RTL4: variants seen among roughly 807,000 people sequenced by gnomAD.
The protein encoded by RTL4 is retrotransposon Gag-like protein 4.
RTL4 carries 4 observed loss-of-function variants against 5.3 expected under a neutral mutation model. The observed-to-expected ratio is 0.75, with a 90% CI of 0.37 to 1.72. RTL4 has a LOEUF of 1.72. Ranked by LOEUF, RTL4 falls within the 40% of genes most tolerant of loss-of-function variation. RTL4 has a pLI of 0.04. For missense variants in RTL4, 260 were observed against 227.1 expected, an observed-to-expected ratio of 1.14 and a Z score of -0.93; for synonymous variants, 98 against 87.3, an observed-to-expected ratio of 1.12 and a Z score of -0.68.
chrX:112,291,367 T>TAC, the RTL4 span, among the ~76,000 whole-genome samples: 4,339 of 95,284 alleles, frequency 0.046, 168 homozygotes, highest in African/African-American at 0.11. Context: ...TGTATGTTTG[T>TAC]ACACACACAC....
At chrX:112,183,463 G>T in the RTL4 span, among the ~76,000 whole-genome samples, 27 of 111,205 alleles carry the variant, frequency 2.4e-4, no homozygotes, top group Non-Finnish European at 3.2e-4. Flanking sequence ...AGGGATGGAA[G>T]AATATTTACC....
At chrX:112,142,611 G>A in the RTL4 span, among the ~76,000 whole-genome samples, 1 of 111,464 alleles carries the variant, frequency 9.0e-6, no homozygotes, top group East Asian at 2.8e-4. Flanking sequence ...CAATGGCCAT[G>A]GTCTAAAACA....
the RTL4 span, among the ~76,000 whole-genome samples, chrX:112,159,473 A>G: frequency 9.0e-6 from 1 of 111,677 alleles, no homozygotes; most frequent in Non-Finnish European, 1.9e-5. Flanking sequence ...TACGGTGCCA[A>G]TCTCAGGTAC....
the RTL4 span, among the ~76,000 whole-genome samples, chrX:112,444,497 G>C: frequency 8.9e-6 from 1 of 111,877 alleles, no homozygotes; most frequent in Non-Finnish European, 1.9e-5. Context: ...TTGGTATTTT[G>C]ATGGGGATTG....
the RTL4 span, among the ~76,000 whole-genome samples, chrX:112,366,539 G>A: frequency 8.9e-6 from 1 of 111,762 alleles, no homozygotes; most frequent in Non-Finnish European, 1.9e-5. Flanking sequence ...CTGGACAACT[G>A]TTCTGCTCTT....
the RTL4 span, among the ~76,000 whole-genome samples, chrX:112,337,011 T>G: frequency 1.8e-5 from 2 of 112,035 alleles, no homozygotes; most frequent in Non-Finnish European, 1.9e-5. Context: ...TTTTCCACAA[T>G]TTAAAAATGT....
chrX:112,109,542 T>C, the RTL4 span, among the ~76,000 whole-genome samples: 1 of 111,788 alleles, frequency 8.9e-6, no homozygotes, highest in African/African-American at 3.3e-5. Context: ...GATTGGTTCA[T>C]TTTGCAAACC....
the RTL4 span, among the ~76,000 whole-genome samples, chrX:112,169,076 TTTC>T: frequency 2.7e-3 from 110 of 40,413 alleles, no homozygotes; most frequent in African/African-American, 7.2e-3. Flanking sequence ...TTCTTTTTTC[TTTC>T]TTTCTTTTCT....
chrX:112,182,989 A>G, the RTL4 span, among the ~76,000 whole-genome samples: 6 of 112,372 alleles, frequency 5.3e-5, no homozygotes, highest in East Asian at 1.7e-3. Flanking sequence ...ACAAGCCAGA[A>G]GAGACTGGGA....
chrX:112,329,803 TATCCACC>T, the RTL4 span, among the ~76,000 whole-genome samples: 8 of 111,260 alleles, frequency 7.2e-5, no homozygotes, highest in Non-Finnish European at 1.3e-4. Flanking sequence ...TCAAAAAGCT[TATCCACC>T]AAGATCAAGG....
At chrX:112,441,123 GA>G in the RTL4 span, among the ~76,000 whole-genome samples, 1 of 111,359 alleles carries the variant, frequency 9.0e-6, no homozygotes, top group Admixed American at 9.6e-5. Flanking sequence ...AATCTGCTTT[GA>G]AACATTCCCA....
At chrX:112,194,756 G>T in the RTL4 span, among the ~76,000 whole-genome samples, 6 of 111,781 alleles carry the variant, frequency 5.4e-5, no homozygotes, top group Non-Finnish European at 9.4e-5. Flanking sequence ...AACAATTATC[G>T]TGTAGCCTTT....
the RTL4 span, among the ~76,000 whole-genome samples, chrX:112,245,022 G>A: frequency 1.1e-4 from 12 of 111,959 alleles, no homozygotes; most frequent in South Asian, 7.4e-4. Context: ...GAATATTGGC[G>A]TCCACTCTCT....
chrX:112,246,703 A>G, the RTL4 span, among the ~76,000 whole-genome samples: 2 of 111,443 alleles, frequency 1.8e-5, no homozygotes, highest in East Asian at 2.9e-4. Context: ...ACCCTGCTTC[A>G]GCTCACCCTC....
chrX:112,159,671 G>A, the RTL4 span, among the ~76,000 whole-genome samples: 1 of 111,001 alleles, frequency 9.0e-6, no homozygotes, highest in African/African-American at 3.3e-5. Context: ...CAAACCTCTG[G>A]TCGTTCTTCA....
the RTL4 span, among the ~76,000 whole-genome samples, chrX:112,139,566 G>A: frequency 8.9e-6 from 1 of 112,340 alleles, no homozygotes; most frequent in African/African-American, 3.2e-5. Flanking sequence ...GTACTGTGGT[G>A]TTCTAAAAGT....
the RTL4 span, among the ~76,000 whole-genome samples, chrX:112,353,509 A>C: frequency 9.0e-6 from 1 of 111,461 alleles, no homozygotes; most frequent in Admixed American, 9.5e-5. Flanking sequence ...AGCCATAAAA[A>C]ATGATGAGTT....
the RTL4 span, among the ~76,000 whole-genome samples, chrX:112,269,546 T>C: frequency 3.6e-5 from 4 of 111,898 alleles, no homozygotes; most frequent in Non-Finnish European, 7.5e-5. Flanking sequence ...TATATCCATT[T>C]TGTAATTTAT....
At chrX:112,111,834 G>A in the RTL4 span, among the ~76,000 whole-genome samples, 43 of 111,908 alleles carry the variant, frequency 3.8e-4, no homozygotes, top group East Asian at 1.1e-3. Flanking sequence ...CCTCTCAGGC[G>A]GCATAAGTCT....
Sources: allele counts gnomAD v4.1 joint callset (sites outside exome capture counted in the v4.1 genomes callset), GRCh38; gene constraint gnomAD v4.1.1; transcripts MANE v1.5; gene names NCBI Gene and HGNC (gene_info 2026-07-23, HGNC 2026-07-21).